The following B3GALT5 variants were observed in gnomAD, a reference collection of about 807,000 sequenced individuals.
B3GALT5 encodes UDP-Gal:betaGlcNAc beta 1,3-galactosyltransferase, polypeptide 5.
For missense variants in B3GALT5, 328 were observed against 396.6 expected, an observed-to-expected ratio of 0.83 and a Z score of 1.47; for synonymous variants, 156 against 158.6, an observed-to-expected ratio of 0.98 and a Z score of 0.12.
chr21:39,651,211 A>G (rs531292598), intron 2 of B3GALT5, among the ~76,000 whole-genome samples: 221 of 152,302 alleles, frequency 1.5e-3, no homozygotes, highest in Non-Finnish European at 2.2e-3. Flanking sequence ...TTCTTTATGA[A>G]TATAGGCACT....
At position 39,666,985 on chromosome 21, in the gene B3GALT5, A is replaced by G. The variant is rs2146230811; in HGVS notation, c.*5493A>G. On this transcript the variant is annotated 3_prime_UTR_variant, in exon 4 of 4. Coordinates refer to ENST00000684187, the MANE Select transcript of B3GALT5 (RefSeq NM_001356336.2). ...ACTTGACATTTGGAGTAATTTTTTA[A>G]AACAGCAAATCTGATTAGGAAACTC... The G allele has an allele frequency of 6.6e-6, 1 of 152,278 alleles. No individual in the cohort carries two copies. Among genetic ancestry groups the G allele is most frequent in the South Asian group, 2.1e-4 (1 of 4,832 alleles). 9.4% of individuals were successfully genotyped at this position (152,278 alleles called of 1,614,324 possible).
intron 1 of B3GALT5, among the ~76,000 whole-genome samples, chr21:39,625,685 A>G (rs2079159854): frequency 6.6e-6 from 1 of 152,158 alleles, no homozygotes; most frequent in Non-Finnish European, 1.5e-5. Flanking sequence ...TTGCAATTCT[A>G]CCTTCCTCTC....
rs778258524 is a variant in B3GALT5, at chr21:39,660,789, G to A, written c.230G>A (p.Arg77Gln). The A allele has an allele frequency of 4.4e-6, 7 of 1,573,282 alleles. No homozygotes were observed. Among genetic ancestry groups the A allele is most frequent in the African/African-American group, 2.7e-5 (2 of 73,760 alleles). ...HKQLAERMAIRQTWGKERMVK... is the reference protein window; with the variant it reads ...HKQLAERMAIQQTWGKERMVK... ...CAGTTGGCTGAGCGCATGGCCATCC[G>A]GCAGACGTGGGGGAAAGAGAGGATG... is the stretch of plus-strand genomic sequence containing the variant. Residue 77 changes from arginine (R) to glutamine (Q), a missense_variant, in exon 4 of 4, where the codon CGG (arginine) becomes CAG (glutamine). Coordinates refer to ENST00000684187, the MANE Select transcript of B3GALT5 (RefSeq NM_001356336.2).
chr21:39,614,624 G>A (rs1015174348), intron 1 of B3GALT5, among the ~76,000 whole-genome samples: 11 of 152,168 alleles, frequency 7.2e-5, no homozygotes, highest in African/African-American at 2.2e-4. Context: ...TTCTCCACAC[G>A]GATGGTAACC....
At chr21:39,617,192 T>C (rs966959508) in intron 1 of B3GALT5, among the ~76,000 whole-genome samples, 2 of 152,248 alleles carry the variant, frequency 1.3e-5, no homozygotes, top group Non-Finnish European at 2.9e-5. Flanking sequence ...TGATTAATTA[T>C]GGTATTGACT....
At position 39,659,865 on chromosome 21, in the gene B3GALT5, A is replaced by G; in HGVS notation, c.-48A>G. 1 of 985,220 alleles carries G rather than the reference A, an allele frequency of 1.0e-6. No individual in the cohort carries two copies. Among genetic ancestry groups the G allele is most frequent in the Non-Finnish European group, 1.2e-6 (1 of 829,904 alleles). 61.0% of individuals were successfully genotyped at this position (985,220 alleles called of 1,614,324 possible). The stretch of plus-strand genomic sequence containing the variant: ...AGACAAATTTCCTCTTGGCATTTAC[A>G]CTGTGGCTTTAGCTTTCAAACCAGA... On this transcript the variant is annotated 5_prime_UTR_variant, in exon 3 of 4. Transcript: ENST00000684187.
intron 1 of B3GALT5, among the ~76,000 whole-genome samples, chr21:39,639,086 A>G (rs781022925): frequency 2.6e-5 from 4 of 152,200 alleles, no homozygotes; most frequent in Admixed American, 6.5e-5. Flanking sequence ...TTACCACGAA[A>G]GGAAGGTCCA....
intron 1 of B3GALT5, among the ~76,000 whole-genome samples, chr21:39,644,607 C>T (rs768419851): frequency 6.6e-6 from 1 of 152,102 alleles, no homozygotes; most frequent in South Asian, 2.1e-4. Context: ...GTCTGACCTT[C>T]GAAACGATGG....
intron 2 of B3GALT5, among the ~76,000 whole-genome samples, chr21:39,652,895 A>T (rs2837106): frequency 0.33 from 49,997 of 152,094 alleles, 8,446 homozygotes; most frequent in Middle Eastern, 0.39. Flanking sequence ...AAATTTGGGC[A>T]ATTCTACAGA....
intron 2 of B3GALT5, among the ~76,000 whole-genome samples, chr21:39,652,067 C>T (rs945657370): frequency 5.3e-5 from 8 of 152,214 alleles, no homozygotes; most frequent in Non-Finnish European, 1.0e-4. Context: ...ATAGTGAACC[C>T]TGTGAGGTCC....
intron 1 of B3GALT5, among the ~76,000 whole-genome samples, chr21:39,613,901 G>C (rs1311271401): frequency 6.6e-6 from 1 of 152,198 alleles, no homozygotes; most frequent in Admixed American, 6.5e-5. Context: ...TTAAGTCTTT[G>C]TTATATGTGG....
At chr21:39,631,402 T>A (rs1602263253) in intron 1 of B3GALT5, among the ~76,000 whole-genome samples, 1 of 152,228 alleles carries the variant, frequency 6.6e-6, no homozygotes, top group East Asian at 1.9e-4. Context: ...TGCCTGTCTG[T>A]GTCCAAATTT....
chr21:39,641,972 A>G (rs1270780472), intron 1 of B3GALT5, among the ~76,000 whole-genome samples: 1 of 152,224 alleles, frequency 6.6e-6, no homozygotes, highest in Non-Finnish European at 1.5e-5. Context: ...TTCAAGTAGA[A>G]TTAATGATCT....
chr21:39,651,101 C>T (rs2079391627), intron 2 of B3GALT5, among the ~76,000 whole-genome samples: 2 of 152,132 alleles, frequency 1.3e-5, no homozygotes, highest in Admixed American at 1.3e-4. Flanking sequence ...CTATGTGAGC[C>T]TGTCCACCAC....
At chr21:39,657,894 G>T (rs1317234215) in intron 2 of B3GALT5, 8 of 1,231,630 alleles carry the variant, frequency 6.5e-6, no homozygotes, top group Non-Finnish European at 8.1e-6. Flanking sequence ...GTGTTTGGAG[G>T]TAGGGCTTCT....
rs183751069 is a variant in B3GALT5 at position 39,639,292 on chromosome 21, T to C, written c.-391-7100T>C. On this transcript the variant is annotated intron_variant, in intron 1 of 3. Coordinates refer to ENST00000684187, the MANE Select transcript of B3GALT5 (RefSeq NM_001356336.2). Reference sequence around the variant, plus strand: ...CAAGCAGCTTCAGGCATCTGGCTCTTTCTTTCTTTCTTTCTTTCTTTCTTT... The same window carrying C: ...CAAGCAGCTTCAGGCATCTGGCTCTCTCTTTCTTTCTTTCTTTCTTTCTTT... 1.7e-3 allele frequency among the ~76,000 whole-genome samples: 81 copies of C among 47,212 alleles called. 1 individual carries two copies. In the East Asian group the frequency reaches 0.026, roughly 15 times the overall value. 31.0% of individuals were successfully genotyped at this position (47,212 alleles called of 152,430 possible).
chr21:39,629,223 C>T lies in B3GALT5; in HGVS notation c.-392+16156C>T, dbSNP rs143888274. On this transcript the variant is annotated intron_variant, in intron 1 of 3. Coordinates refer to ENST00000684187, the MANE Select transcript of B3GALT5 (RefSeq NM_001356336.2). ...AGAGACGAGGTTTCACCATGTTGGC[C>T]AGGCTGGTCTCGAACTCCTGATCTT... Among the ~76,000 whole-genome samples, 975 of 152,314 alleles carry T rather than the reference C, an allele frequency of 6.4e-3. 11 individuals carry two copies. The highest frequency in any genetic ancestry group is 0.022 in the African/African-American group (904 of 41,566).
chr21:39,662,095 G>C lies in B3GALT5; in HGVS notation c.*603G>C, dbSNP rs2079532831. 1 of 167,096 alleles carries C rather than the reference G, an allele frequency of 6.0e-6. No homozygotes were observed. Among genetic ancestry groups the C allele is most frequent in the South Asian group, 2.1e-4 (1 of 4,812 alleles). 10.4% of individuals were successfully genotyped at this position (167,096 alleles called of 1,614,324 possible). A position where few individuals can be genotyped will look rare whatever the true frequency, so the allele number is the denominator to read the frequency against. On this transcript the variant is annotated 3_prime_UTR_variant, in exon 4 of 4. Transcript: ENST00000684187. ...CACAGGGCTGGATGTAGCTGGGATT[G>C]AGTCCATGTTATCGGCTCGGTACTC...
At chr21:39,618,027 C>T (rs2079115886) in intron 1 of B3GALT5, among the ~76,000 whole-genome samples, 1 of 151,926 alleles carries the variant, frequency 6.6e-6, no homozygotes, top group Admixed American at 6.6e-5. Flanking sequence ...TGGTGGCATG[C>T]ACCTGTAGTC....
Sources: allele counts gnomAD v4.1 joint callset (sites outside exome capture counted in the v4.1 genomes callset), GRCh38; gene constraint gnomAD v4.1.1; transcripts MANE v1.5; gene names NCBI Gene and HGNC (gene_info 2026-07-23, HGNC 2026-07-21).